RAD23B: variants seen among roughly 807,000 people sequenced by gnomAD.
The protein encoded by RAD23B is lysine-specific demethylase RAD23B.
RAD23B carries 5 observed loss-of-function variants against 49.1 expected under a neutral mutation model. The ratio of observed to expected loss-of-function variants is 0.10; its 90% CI spans 0.05 to 0.21. The LOEUF is 0.21. Ranked by LOEUF, RAD23B falls within the 10% of genes least tolerant of loss-of-function variation. The pLI, the probability that RAD23B is intolerant of heterozygous loss-of-function variation, is 1.00. For synonymous variants in RAD23B, 184 were observed against 165.4 expected (o/e 1.11, Z -0.86); for missense variants, 356 against 486.7 (o/e 0.73, Z 2.53).
chr9:107,292,856 G>A (rs1564240458), intron 1 of RAD23B, among the ~76,000 whole-genome samples: 1 of 152,030 alleles, frequency 6.6e-6, no homozygotes, highest in African/African-American at 2.4e-5. Context: ...AGAAAAAGAG[G>A]ATAATAGTAT....
intron 7 of RAD23B, among the ~76,000 whole-genome samples, chr9:107,323,332 CG>C (rs1827144927): frequency 6.6e-6 from 1 of 152,034 alleles, no homozygotes; most frequent in Non-Finnish European, 1.5e-5. Flanking sequence ...TGGTAATAAC[CG>C]GAAGTCTTCC....
intron 9 of RAD23B, among the ~76,000 whole-genome samples, chr9:107,325,597 C>T (rs1273651870): frequency 6.6e-6 from 1 of 152,130 alleles, no homozygotes; most frequent in Non-Finnish European, 1.5e-5. Context: ...GATCTTTTAT[C>T]ATAAAACCTT....
At chr9:107,294,671 C>T (rs1329962140) in intron 1 of RAD23B, among the ~76,000 whole-genome samples, 1 of 152,174 alleles carries the variant, frequency 6.6e-6, no homozygotes, top group Non-Finnish European at 1.5e-5. Flanking sequence ...AGTTCTTCTA[C>T]AGATACATTA....
Position 107,291,055 on chromosome 9 carries a change from T to G in RAD23B, c.66+7360T>G, listed in dbSNP as rs143501269. The stretch of plus-strand genomic sequence containing the variant: ...TACAACTGAATGAGCTTTATAAAAC[T>G]TGTAAACATTGTATAAACTTATTTC... On this transcript the variant is annotated intron_variant, in intron 1 of 9. Transcript: ENST00000358015. Among the ~76,000 whole-genome samples the G allele has an allele frequency of 6.2e-4, 94 of 152,362 alleles. No homozygotes were observed. In the East Asian group the frequency reaches 0.017, roughly 28 times the overall value.
Position 107,296,857 on chromosome 9 carries a change from C to CT in RAD23B, c.67-3268dup, listed in dbSNP as rs10718657. 3.9e-3 allele frequency among the ~76,000 whole-genome samples: 497 copies of CT among 126,310 alleles called. 1 individual carries two copies. The highest frequency in any genetic ancestry group is 5.0e-3 in the South Asian group (20 of 3,980). 82.9% of individuals were successfully genotyped at this position (126,310 alleles called of 152,430 possible). On this transcript the variant is annotated intron_variant, in intron 1 of 9. Coordinates refer to ENST00000358015, the MANE Select transcript of RAD23B (RefSeq NM_002874.5). ...GCTGCCTTTTCTCTTTTTTTAATTG[C>CT]TTTTTTTTTTTTTTTTGAGATGCAG...
rs1205432748 is a variant in RAD23B at position 107,318,929 on chromosome 9, C to A, written c.681+50C>A. 2 of 1,537,060 alleles carry A rather than the reference C, an allele frequency of 1.3e-6. No individual in the cohort carries two copies. Among genetic ancestry groups the A allele is most frequent in the African/African-American group, 1.4e-5 (1 of 72,552 alleles). ...CCATTCTGTTGTTTAAGATTAAAAT[C>A]TCAAAGAAACAGATTTTAAAGGACC... On this transcript the variant is annotated intron_variant, in intron 6 of 9. Coordinates refer to ENST00000358015, the MANE Select transcript of RAD23B (RefSeq NM_002874.5). This position sits in a 1 kb window ranked among gnomAD's most constrained non-coding sequence, Gnocchi z 4.3.
intron 3 of RAD23B, among the ~76,000 whole-genome samples, chr9:107,306,073 C>CA (rs1564245561): frequency 1.6e-5 from 1 of 63,516 alleles, no homozygotes; most frequent in Non-Finnish European, 3.0e-5. Flanking sequence ...ATATATATAT[C>CA]TATATATCTA....
intron 1 of RAD23B, among the ~76,000 whole-genome samples, chr9:107,292,210 T>A (rs1833396674): frequency 6.6e-6 from 1 of 152,244 alleles, no homozygotes; most frequent in African/African-American, 2.4e-5. Context: ...TACATTAATT[T>A]ATTTTACCAT....
chr9:107,306,783 C>G, intron 4 of RAD23B, 136 bp downstream of exon 4: 1 of 956,708 alleles, frequency 1.0e-6, no homozygotes. Context: ...TTGACTAAAA[C>G]ATATGCTGCG....
intron 1 of RAD23B, among the ~76,000 whole-genome samples, chr9:107,290,344 A>AT (rs1362876582): frequency 6.6e-6 from 1 of 151,792 alleles, no homozygotes; most frequent in South Asian, 2.1e-4. Context: ...TTCATCACTG[A>AT]TTTTTCCCAT....
chr9:107,305,043 C>T (rs1406615927), intron 3 of RAD23B, among the ~76,000 whole-genome samples: 2 of 152,088 alleles, frequency 1.3e-5, no homozygotes, highest in African/African-American at 2.4e-5. Context: ...AATCCCATCG[C>T]CTTGGGAGGC....
chr9:107,309,512 C>G (rs1826847143), intron 4 of RAD23B, among the ~76,000 whole-genome samples: 1 of 152,166 alleles, frequency 6.6e-6, no homozygotes, highest in Non-Finnish European at 1.5e-5. Flanking sequence ...TGACATATAA[C>G]TAATGAGTGG....
intron 5 of RAD23B, among the ~76,000 whole-genome samples, chr9:107,315,255 G>A (rs1451245039): frequency 6.6e-6 from 1 of 152,078 alleles, no homozygotes; most frequent in East Asian, 1.9e-4. Context: ...GTATGTTTTT[G>A]TTGACTTTGT....
chr9:107,287,285 A>G (rs1206726032), intron 1 of RAD23B, among the ~76,000 whole-genome samples: 2 of 152,244 alleles, frequency 1.3e-5, no homozygotes, highest in Non-Finnish European at 2.9e-5. Context: ...TGGTGACAAG[A>G]AAAAGTATGT....
rs146721564 is a variant in RAD23B, at chr9:107,291,666, C to T, written c.66+7971C>T. Among the ~76,000 whole-genome samples the T allele has an allele frequency of 5.6e-3, 854 of 152,198 alleles. 19 individuals carry two copies. Among genetic ancestry groups the T allele is most frequent in the Admixed American group, 0.042 (648 of 15,282 alleles). ...GAAATATCAGGAACCTACCTTGGGACAGAAATTCCCCAGGAAATACTCTGG... is the reference window on the plus strand; with the variant it reads ...GAAATATCAGGAACCTACCTTGGGATAGAAATTCCCCAGGAAATACTCTGG... On this transcript the variant is annotated intron_variant, in intron 1 of 9. Transcript: ENST00000358015.
chr9:107,299,726 C>A (rs1826608798), intron 1 of RAD23B, among the ~76,000 whole-genome samples: 1 of 152,186 alleles, frequency 6.6e-6, no homozygotes, highest in South Asian at 2.1e-4. Flanking sequence ...TGCCTTTTAA[C>A]ATTCACAATT....
chr9:107,308,709 T>C (rs1467232988), intron 4 of RAD23B, among the ~76,000 whole-genome samples: 1 of 152,196 alleles, frequency 6.6e-6, no homozygotes, highest in Non-Finnish European at 1.5e-5. Flanking sequence ...CTGCTTACTC[T>C]TATTTCTCAA....
chr9:107,327,675 G>GT (rs1827237206), intron 9 of RAD23B, among the ~76,000 whole-genome samples: 1 of 152,038 alleles, frequency 6.6e-6, no homozygotes, highest in Admixed American at 6.5e-5. Flanking sequence ...GCCTAACATG[G>GT]TATTTCTGAA....
intron 8 of RAD23B, 111 bp from the exon 9 acceptor site, chr9:107,324,723 T>TG (rs1827171211): frequency 9.1e-7 from 1 of 1,102,866 alleles, no homozygotes; most frequent in African/African-American, 1.6e-5. Flanking sequence ...AATCACTAAA[T>TG]TACGTTTGCA....
Sources: gnomAD v4.1 joint callset for allele counts (sites outside exome capture counted in the v4.1 genomes callset) on GRCh38, gnomAD v4.1.1 for gene constraint, Gnocchi (gnomAD v3.1) non-coding constraint, MANE v1.5 for transcripts, NCBI Gene and HGNC (gene_info 2026-07-23, HGNC 2026-07-21) for gene names.